Variants in PDXDC1 observed in about 807,000 individuals in gnomAD.
PDXDC1 encodes the protein pyridoxal dependent decarboxylase domain containing 1, also known as pyridoxal-dependent decarboxylase domain-containing protein 1.
Under a neutral mutation model 100.1 loss-of-function variants are expected in PDXDC1, and 42 were observed. The observed-to-expected ratio is 0.42, with a 90% CI of 0.33 to 0.54. The LOEUF (loss-of-function observed/expected upper bound fraction) is 0.54, where lower values mean the gene tolerates loss of function less well. Among genes scored for constraint, PDXDC1 ranks in the 20% least tolerant of loss-of-function variants. PDXDC1 has a pLI of 0.10. For missense variants in PDXDC1, 636 were observed against 979.2 expected (o/e 0.65, Z 4.68); for synonymous variants, 260 against 371.7 (o/e 0.70, Z 3.46).
In PDXDC1 at chr16:15,037,798, A is replaced by G. The variant is rs1030378143; in HGVS notation, c.*1523A>G. Reference sequence around the variant, plus strand: ...TCTCCTCTGCCCGTTATTACCGACCAAAAAAAAAACTGGACATCAATTTTT... The same window carrying G: ...TCTCCTCTGCCCGTTATTACCGACCGAAAAAAAAACTGGACATCAATTTTT... On this transcript the variant is annotated 3_prime_UTR_variant, in exon 23 of 23. Transcript: ENST00000396410. 26 of 305,948 alleles carry G rather than the reference A, an allele frequency of 8.5e-5. No individual in the cohort carries two copies. The highest frequency in any genetic ancestry group is 1.4e-4 in the Non-Finnish European group (25 of 178,646). The allele number at this position is 305,948 out of a possible 1,614,324, so 19.0% of individuals were successfully genotyped here.
rs575439645 is a variant in PDXDC1, at chr16:15,129,754, G to A, written c.1400-9125G>A. 4,019 of 635,320 alleles carry A rather than the reference G, an allele frequency of 6.3e-3. 27 individuals are homozygous for A. The highest frequency in any genetic ancestry group is 8.7e-3 in the Non-Finnish European group (3,023 of 348,854). 39.4% of individuals were successfully genotyped at this position (635,320 alleles called of 1,614,324 possible). On this transcript the variant is annotated intron_variant, in intron 16 of 16. Transcript: ENST00000535621. The stretch of plus-strand genomic sequence containing the variant: ...GAGGTCATTCCCAGGATGAACACAC[G>A]AGCCCTTCACACAGCACTGCAAAAA...
At chr16:14,977,971 G>C (rs1967073587) in intron 1 of PDXDC1, among the ~76,000 whole-genome samples, 1 of 152,272 alleles carries the variant, frequency 6.6e-6, no homozygotes, top group Non-Finnish European at 1.5e-5. Flanking sequence ...ACAAAATGTA[G>C]TATGCGATCA....
At chr16:15,145,233 T>C in the PDXDC1 span, among the ~76,000 whole-genome samples, 1 of 152,200 alleles carries the variant, frequency 6.6e-6, no homozygotes. Flanking sequence ...GGCACAGCAG[T>C]GCCCTGGAGA....
chr16:15,056,063 G>C, intron 16 of PDXDC1: 2 of 461,198 alleles, frequency 4.3e-6, no homozygotes, highest in Non-Finnish European at 5.9e-6. Context: ...CTCGGGCCGC[G>C]CGTCCCGCCT....
In PDXDC1 at chr16:15,037,807, A is replaced by C. The variant is rs2043576432; in HGVS notation, c.*1532A>C. 1 of 457,714 alleles carries C rather than the reference A, an allele frequency of 2.2e-6. No individual in the cohort carries two copies. The highest frequency in any genetic ancestry group is 2.0e-5 in the African/African-American group (1 of 51,082). 28.4% of individuals were successfully genotyped at this position (457,714 alleles called of 1,614,324 possible). A position where few individuals can be genotyped will look rare whatever the true frequency, so the allele number is the denominator to read the frequency against. On this transcript the variant is annotated 3_prime_UTR_variant, in exon 23 of 23. Transcript: ENST00000396410. Reference sequence around the variant, plus strand: ...CCCGTTATTACCGACCAAAAAAAAAACTGGACATCAATTTTTTAGTAAACC... The same window carrying C: ...CCCGTTATTACCGACCAAAAAAAAACCTGGACATCAATTTTTTAGTAAACC...
chr16:15,092,923 G>A (rs1215892717), intron 16 of PDXDC1, among the ~76,000 whole-genome samples: 1 of 152,012 alleles, frequency 6.6e-6, no homozygotes, highest in African/African-American at 2.4e-5. Context: ...CGTCTTTTCT[G>A]CTCTTCAAAC....
intron 1 of PDXDC1, among the ~76,000 whole-genome samples, chr16:14,991,638 C>T (rs1474637217): frequency 1.3e-5 from 2 of 152,150 alleles, no homozygotes; most frequent in African/African-American, 4.8e-5. Flanking sequence ...CTTGCCTCAG[C>T]CTCCTGAGTA....
At position 15,037,082 on chromosome 16, in the gene PDXDC1, G is replaced by A. The variant is rs2043498618; in HGVS notation, c.*807G>A. 1 of 152,182 alleles carries A rather than the reference G, an allele frequency of 6.6e-6. No homozygotes were observed. Among genetic ancestry groups the A allele is most frequent in the African/African-American group, 2.4e-5 (1 of 41,444 alleles). The allele number at this position is 152,182 out of a possible 1,614,324, so 9.4% of individuals were successfully genotyped here. On this transcript the variant is annotated 3_prime_UTR_variant, in exon 23 of 23. Transcript: ENST00000396410. ...AGCTTGCTCTTCCGTGTGCTACGTAGCACCCACCTGGTTAAAATCTGAAAA... is the reference window on the plus strand; with the variant it reads ...AGCTTGCTCTTCCGTGTGCTACGTAACACCCACCTGGTTAAAATCTGAAAA...
intron 16 of PDXDC1, among the ~76,000 whole-genome samples, chr16:15,122,177 C>G (rs958790970): frequency 3.9e-5 from 6 of 152,052 alleles, no homozygotes; most frequent in African/African-American, 1.4e-4. Flanking sequence ...AACAAACAAA[C>G]AAACAAAAAA....
rs765125166 is a variant in PDXDC1 at position 15,034,372 on chromosome 16, G to A, written c.1899G>A (p.Leu633=). ...AGAAGGCAAGTGAAGAACGGCTTCT[G>A]GAAGAGGTGAGGCCCCCGATGGGCA... ...ELQKASEERL[L]EEGVLRQIPV... The change falls in exon 20 of 23, where the codon CTG becomes CTA. Residue 633 remains leucine (L), a synonymous_variant. Coordinates refer to ENST00000396410, the MANE Select transcript of PDXDC1 (RefSeq NM_015027.4). 1 of 1,613,554 alleles carries A rather than the reference G, an allele frequency of 6.2e-7. No homozygotes were observed. The highest frequency in any genetic ancestry group is 8.5e-7 in the Non-Finnish European group (1 of 1,179,996).
chr16:15,078,148 A>C (rs1197562881), intron 16 of PDXDC1, among the ~76,000 whole-genome samples: 2 of 152,250 alleles, frequency 1.3e-5, no homozygotes, highest in African/African-American at 2.4e-5. Context: ...ATACCAGAGA[A>C]AGACTATAAA....
chr16:15,083,562 G>C, intron 16 of PDXDC1: 13 of 1,608,958 alleles, frequency 8.1e-6, no homozygotes, highest in South Asian at 1.1e-5. Context: ...CACCAGTATT[G>C]GCATGAGAAA....
At chr16:15,081,790 T>C (rs1230270659) in intron 16 of PDXDC1, among the ~76,000 whole-genome samples, 1 of 152,238 alleles carries the variant, frequency 6.6e-6, no homozygotes, top group Non-Finnish European at 1.5e-5. Context: ...TCTCAGAGTT[T>C]TACAGTTTTT....
At chr16:15,149,325 C>A in the PDXDC1 span, among the ~76,000 whole-genome samples, 2 of 152,194 alleles carry the variant, frequency 1.3e-5, no homozygotes, top group African/African-American at 4.8e-5. Context: ...TTGTTGAACG[C>A]GGGCTCCAGT....
At chr16:15,071,772 A>C (rs1461199331) in intron 16 of PDXDC1, among the ~76,000 whole-genome samples, 1 of 152,160 alleles carries the variant, frequency 6.6e-6, no homozygotes, top group African/African-American at 2.4e-5. Flanking sequence ...CATCTCAAAA[A>C]ACAAACAAAC....
intron 16 of PDXDC1, chr16:15,135,164 A>G: frequency 1.2e-6 from 1 of 852,252 alleles, no homozygotes; most frequent in Non-Finnish European, 1.9e-6. Context: ...AATTTGCATC[A>G]GAAACAGAGA....
chr16:14,992,847 TA>T (rs1971140567), intron 1 of PDXDC1, among the ~76,000 whole-genome samples: 2 of 149,080 alleles, frequency 1.3e-5, no homozygotes, highest in African/African-American at 4.9e-5. Flanking sequence ...TTTTATGCTA[TA>T]CTTTTTTTTT....
intron 16 of PDXDC1, chr16:15,134,902 G>C (rs576527719): frequency 6.0e-5 from 21 of 350,882 alleles, no homozygotes; most frequent in Admixed American, 4.4e-4. Flanking sequence ...CGGGCTCAGG[G>C]TCACCAAGCC....
chr16:15,054,651 CA>C (rs1247694994), intron 16 of PDXDC1, among the ~76,000 whole-genome samples: 2 of 152,196 alleles, frequency 1.3e-5, no homozygotes, highest in African/African-American at 4.8e-5. Flanking sequence ...TTCTCCCCGT[CA>C]GTAAGTCCTT....
Sources: allele counts gnomAD v4.1 joint callset (sites outside exome capture counted in the v4.1 genomes callset), GRCh38; gene constraint gnomAD v4.1.1; transcripts MANE v1.5; gene names NCBI Gene and HGNC (gene_info 2026-07-23, HGNC 2026-07-21).